The following AUTS2 variants were observed in gnomAD, a reference collection of about 807,000 sequenced individuals.
The protein encoded by AUTS2 is autism susceptibility gene 2 protein.
AUTS2 carries 17 observed loss-of-function variants against 112.4 expected under a neutral mutation model. The observed-to-expected ratio is 0.15, with a 90% CI of 0.10 to 0.23. The LOEUF is 0.23. AUTS2 is among the 10% of genes least tolerant of loss of function. The probability of loss-of-function intolerance (pLI) is 1.00; values close to 1 mark genes in which losing one functional copy is unlikely to be tolerated. For missense variants in AUTS2, 1,510 were observed against 1,701.6 expected, an observed-to-expected ratio of 0.89 and a Z score of 1.98; for synonymous variants, 751 against 702.7, an observed-to-expected ratio of 1.07 and a Z score of -1.09.
At chr7:70,573,110 G>T (rs1352150400) in intron 5 of AUTS2, among the ~76,000 whole-genome samples, 1 of 152,208 alleles carries the variant, frequency 6.6e-6, no homozygotes, top group Non-Finnish European at 1.5e-5. Flanking sequence ...TTTATTCATG[G>T]AAAACACTCC....
intron 5 of AUTS2, among the ~76,000 whole-genome samples, chr7:70,571,240 G>C (rs907236409): frequency 6.6e-6 from 1 of 152,156 alleles, no homozygotes; most frequent in South Asian, 2.1e-4. Flanking sequence ...TAGAACTTTG[G>C]GTGGATTTCT....
At chr7:69,761,333 G>A (rs886421967) in intron 1 of AUTS2, among the ~76,000 whole-genome samples, 4 of 152,182 alleles carry the variant, frequency 2.6e-5, no homozygotes, top group South Asian at 2.1e-4. Context: ...GTCAGATGAT[G>A]TCTGGCCTGG....
At chr7:69,854,773 T>C (rs1792644647) in intron 1 of AUTS2, among the ~76,000 whole-genome samples, 1 of 152,200 alleles carries the variant, frequency 6.6e-6, no homozygotes, top group Non-Finnish European at 1.5e-5. Context: ...TGCGAGATGC[T>C]GGGGATATTC....
chr7:69,876,480 T>TTGTGTGTGTG (rs71097493), intron 1 of AUTS2, among the ~76,000 whole-genome samples: 4 of 60,500 alleles, frequency 6.6e-5, no homozygotes, highest in Non-Finnish European at 9.0e-5. Context: ...ATAAAATATT[T>TTGTGTGTGTG]TGTGTATATA....
intron 6 of AUTS2, among the ~76,000 whole-genome samples, chr7:70,726,967 A>G: frequency 6.6e-6 from 1 of 152,194 alleles, no homozygotes; most frequent in East Asian, 1.9e-4. Flanking sequence ...GGCAGACGCT[A>G]GTGAAGAGTA....
At chr7:70,417,081 A>C (rs1238292727) in intron 4 of AUTS2, among the ~76,000 whole-genome samples, 1 of 152,226 alleles carries the variant, frequency 6.6e-6, no homozygotes, top group Non-Finnish European at 1.5e-5. Context: ...GAATGCAGAC[A>C]GCCCCTCCAC....
chr7:70,222,849 A>C (rs185261174), intron 4 of AUTS2, among the ~76,000 whole-genome samples: 55 of 148,670 alleles, frequency 3.7e-4, no homozygotes, highest in African/African-American at 1.3e-3. Flanking sequence ...AATATTCTTC[A>C]CTCTGCTTTA....
At chr7:70,288,569 A>G (rs1400985406) in intron 4 of AUTS2, among the ~76,000 whole-genome samples, 1 of 152,060 alleles carries the variant, frequency 6.6e-6, no homozygotes, top group African/African-American at 2.4e-5. Context: ...TTTTCTCTGT[A>G]CTGCCAACCT....
intron 1 of AUTS2, among the ~76,000 whole-genome samples, chr7:69,696,188 T>G (rs2129183532): frequency 6.6e-6 from 1 of 152,316 alleles, no homozygotes; most frequent in African/African-American, 2.4e-5. Context: ...GCGGTTAGCC[T>G]CGGTGCACCT....
intron 4 of AUTS2, among the ~76,000 whole-genome samples, chr7:70,381,355 C>G (rs1008973010): frequency 1.3e-5 from 2 of 152,180 alleles, no homozygotes; most frequent in Non-Finnish European, 2.9e-5. Flanking sequence ...TTTGTCAAAA[C>G]TCAACCAACT....
chr7:70,260,962 T>C (rs921567335), intron 4 of AUTS2, among the ~76,000 whole-genome samples: 2 of 152,056 alleles, frequency 1.3e-5, no homozygotes, highest in Non-Finnish European at 2.9e-5. Flanking sequence ...TTGGCCAGGA[T>C]GGTCTCGATC....
At chr7:70,628,049 G>A (rs542003490) in intron 5 of AUTS2, among the ~76,000 whole-genome samples, 1 of 152,282 alleles carries the variant, frequency 6.6e-6, no homozygotes, top group Admixed American at 6.5e-5. Context: ...TGTGCACGAA[G>A]GTGGCTCATT....
At chr7:69,767,180 T>C (rs1788463418) in intron 1 of AUTS2, among the ~76,000 whole-genome samples, 1 of 151,662 alleles carries the variant, frequency 6.6e-6, no homozygotes, top group Non-Finnish European at 1.5e-5. Flanking sequence ...TTCTTTGTCA[T>C]CGTCTTTTTT....
At chr7:69,931,146 C>T (rs932186949) in intron 2 of AUTS2, among the ~76,000 whole-genome samples, 2 of 134,006 alleles carry the variant, frequency 1.5e-5, no homozygotes, top group Non-Finnish European at 3.3e-5. Context: ...CACACACACA[C>T]ACTACTTTTT....
At chr7:70,293,871 A>C (rs1222268939) in intron 4 of AUTS2, 1 of 152,174 alleles carries the variant, frequency 6.6e-6, no homozygotes, top group Non-Finnish European at 1.5e-5. Flanking sequence ...CAGTGGCTTG[A>C]AGCTCTGTAT....
At chr7:69,625,358 A>G (rs1793895590) in intron 1 of AUTS2, among the ~76,000 whole-genome samples, 1 of 152,160 alleles carries the variant, frequency 6.6e-6, no homozygotes, top group Non-Finnish European at 1.5e-5. Flanking sequence ...AGTGGCAGGA[A>G]GGATCTTTAC....
intron 5 of AUTS2, among the ~76,000 whole-genome samples, chr7:70,522,991 T>C (rs888701913): frequency 1.3e-5 from 2 of 152,234 alleles, no homozygotes; most frequent in African/African-American, 4.8e-5. Flanking sequence ...AATTTAAGAA[T>C]GAGACCGCCA....
chr7:70,335,581 C>A (rs1358907403), intron 4 of AUTS2, among the ~76,000 whole-genome samples: 1 of 152,208 alleles, frequency 6.6e-6, no homozygotes, highest in African/African-American at 2.4e-5. Flanking sequence ...GCACTTGGTA[C>A]AAATGTTAAT....
At chr7:70,255,887 ATTGGGT>A (rs1426405556) in intron 4 of AUTS2, among the ~76,000 whole-genome samples, 1 of 152,238 alleles carries the variant, frequency 6.6e-6, no homozygotes, top group East Asian at 1.9e-4. Context: ...TTTATTAATC[ATTGGGT>A]TATGGTTTGA....
Sources: allele counts gnomAD v4.1 joint callset (sites outside exome capture counted in the v4.1 genomes callset), GRCh38; gene constraint gnomAD v4.1.1; transcripts MANE v1.5; gene names NCBI Gene and HGNC (gene_info 2026-07-23, HGNC 2026-07-21).